RYR2: variants seen among roughly 807,000 people sequenced by gnomAD.
The protein encoded by RYR2 is ryanodine receptor 2, also known as cardiac muscle ryanodine receptor-calcium release channel.
A neutral mutation model predicts 601.1 loss-of-function variants in RYR2; 227 were observed. That is an observed-to-expected ratio of 0.38 (90% confidence interval 0.34 to 0.42). RYR2 has a LOEUF of 0.42. Ranked by LOEUF, RYR2 falls within the 10% of genes least tolerant of loss-of-function variation. The probability of loss-of-function intolerance (pLI) is 1.00; values close to 1 mark genes in which losing one functional copy is unlikely to be tolerated. For synonymous variants in RYR2, 2,223 were observed against 2,175.1 expected (o/e 1.02, Z -0.61); for missense variants, 4,646 against 6,156.5 (o/e 0.75, Z 8.21).
intron 10 of RYR2, among the ~76,000 whole-genome samples, chr1:237,402,638 G>A (rs971037866): frequency 6.6e-6 from 1 of 152,136 alleles, no homozygotes; most frequent in Non-Finnish European, 1.5e-5. Context: ...TCAAAAGATT[G>A]GGAAACAGGC....
At chr1:237,683,412 C>G (rs1023794084) in intron 62 of RYR2, among the ~76,000 whole-genome samples, 5 of 152,224 alleles carry the variant, frequency 3.3e-5, no homozygotes, top group African/African-American at 1.2e-4. Flanking sequence ...GAGTATAGCC[C>G]TAGTGAAAGC....
At chr1:237,266,350 G>GTGTT (rs1689059428) in intron 1 of RYR2, among the ~76,000 whole-genome samples, 1 of 152,020 alleles carries the variant, frequency 6.6e-6, no homozygotes, top group Non-Finnish European at 1.5e-5. Context: ...GTGTGTGTGT[G>GTGTT]TGTACATGTA....
intron 2 of RYR2, among the ~76,000 whole-genome samples, chr1:237,311,666 T>C (rs1694581002): frequency 6.6e-6 from 1 of 151,622 alleles, no homozygotes; most frequent in South Asian, 2.1e-4. Flanking sequence ...TTAAGTAGAG[T>C]TGGGATTTCA....
At chr1:237,093,993 G>A (rs1254052115) in intron 1 of RYR2, among the ~76,000 whole-genome samples, 21 of 152,144 alleles carry the variant, frequency 1.4e-4, no homozygotes, top group Non-Finnish European at 2.9e-4. Flanking sequence ...AGGCAGTGGC[G>A]ACAGGAAGAG....
intron 1 of RYR2, among the ~76,000 whole-genome samples, chr1:237,081,722 G>A (rs1337186652): frequency 1.3e-5 from 2 of 151,818 alleles, no homozygotes; most frequent in African/African-American, 2.4e-5. Flanking sequence ...CAGGAACCTC[G>A]CCCTTCCCAG....
rs182830765 is a variant in RYR2, at chr1:237,697,568, T to C, written c.9068-1397T>C. 6.6e-3 allele frequency among the ~76,000 whole-genome samples: 976 copies of C among 147,914 alleles called. 3 individuals carry two copies. The highest frequency in any genetic ancestry group is 0.01 in the Non-Finnish European group (694 of 67,228). ...ATATATATTTAACTGTGGCCTGCTA[T>C]TATGTTATATGCTGATATTTTGCTA... is the stretch of plus-strand genomic sequence containing the variant. On this transcript the variant is annotated intron_variant, in intron 63 of 104. Coordinates refer to ENST00000366574, the MANE Select transcript of RYR2 (RefSeq NM_001035.3).
chr1:237,340,206 A>G (rs1405886607), intron 3 of RYR2, among the ~76,000 whole-genome samples: 1 of 152,180 alleles, frequency 6.6e-6, no homozygotes, highest in South Asian at 2.1e-4. Context: ...AAACAAATCC[A>G]ACTCTGTGCT....
chr1:237,537,120 A>G (rs1668723812), intron 25 of RYR2, among the ~76,000 whole-genome samples: 1 of 152,240 alleles, frequency 6.6e-6, no homozygotes, highest in Non-Finnish European at 1.5e-5. Context: ...TATGTAAATT[A>G]GTACAACCAC....
chr1:237,511,454 G>A (rs1435509754), intron 23 of RYR2, among the ~76,000 whole-genome samples: 1 of 152,004 alleles, frequency 6.6e-6, no homozygotes, highest in Non-Finnish European at 1.5e-5. Context: ...TCTGCATGGC[G>A]GGGGTTCATG....
chr1:237,592,783 G>A (rs1024084008), intron 32 of RYR2, among the ~76,000 whole-genome samples: 1 of 152,104 alleles, frequency 6.6e-6, no homozygotes, highest in Non-Finnish European at 1.5e-5. Flanking sequence ...AACTTTGGGA[G>A]GCTGAGGCAG....
chr1:237,310,189 A>T (rs1188349771), intron 2 of RYR2, among the ~76,000 whole-genome samples: 1 of 152,192 alleles, frequency 6.6e-6, no homozygotes, highest in Non-Finnish European at 1.5e-5. Context: ...CTTTTCTGTA[A>T]CAATATCATT....
At chr1:237,310,176 G>T (rs11582513) in intron 2 of RYR2, among the ~76,000 whole-genome samples, 1 of 152,002 alleles carries the variant, frequency 6.6e-6, no homozygotes, top group South Asian at 2.1e-4. Context: ...CAGATTGGGA[G>T]CGCTTTTCTG....
chr1:237,579,909 T>C (rs1433620242), intron 29 of RYR2, among the ~76,000 whole-genome samples: 2 of 151,944 alleles, frequency 1.3e-5, no homozygotes, highest in South Asian at 2.1e-4. Context: ...CCAGCAACAA[T>C]AAAGTTGGAA....
chr1:237,075,510 G>C (rs1482663239), intron 1 of RYR2, among the ~76,000 whole-genome samples: 2 of 119,776 alleles, frequency 1.7e-5, no homozygotes, highest in African/African-American at 6.5e-5. Flanking sequence ...AAAGAAAGGG[G>C]TGACGGACGC....
chr1:237,105,904 T>TAGCAGTTGAGCAGCTTGAAGATAGC (rs1668622360), intron 1 of RYR2, among the ~76,000 whole-genome samples: 1 of 150,252 alleles, frequency 6.7e-6, no homozygotes, highest in Non-Finnish European at 1.5e-5. Context: ...TTTGAGATAG[T>TAGCAGTTGAGCAGCTTGAAGATAGC]AGCAGTTGAG....
At chr1:237,480,248 G>A (rs567476929) in intron 17 of RYR2, among the ~76,000 whole-genome samples, 8 of 151,934 alleles carry the variant, frequency 5.3e-5, no homozygotes, top group Admixed American at 2.0e-4. Context: ...GTGAAACCTC[G>A]TCTGTACTAA....
chr1:237,609,892 G>A (rs1472163891), intron 35 of RYR2, among the ~76,000 whole-genome samples: 1 of 152,056 alleles, frequency 6.6e-6, no homozygotes, highest in Non-Finnish European at 1.5e-5. Context: ...GGTTTTGTTA[G>A]TTTTATTCAT....
At chr1:237,789,919 C>T (rs957737782) in intron 92 of RYR2, among the ~76,000 whole-genome samples, 9 of 152,152 alleles carry the variant, frequency 5.9e-5, no homozygotes, top group Non-Finnish European at 1.0e-4. Context: ...GTGAAACTGA[C>T]GCAGTCTGGG....
chr1:237,424,962 T>C (rs988833644), intron 12 of RYR2, among the ~76,000 whole-genome samples: 1 of 152,226 alleles, frequency 6.6e-6, no homozygotes, highest in Non-Finnish European at 1.5e-5. Context: ...ACATTAATTT[T>C]GCTAATTATG....
Sources: allele counts gnomAD v4.1 joint callset (sites outside exome capture counted in the v4.1 genomes callset), GRCh38; gene constraint gnomAD v4.1.1; transcripts MANE v1.5; gene names NCBI Gene and HGNC (gene_info 2026-07-23, HGNC 2026-07-21).